The following RSRC1 variants were observed in gnomAD, a reference collection of about 807,000 sequenced individuals.
RSRC1 encodes serine/Arginine-related protein 53.
Under a neutral mutation model 49.1 loss-of-function variants are expected in RSRC1, and 39 were observed. The ratio of observed to expected loss-of-function variants is 0.79; its 90% CI spans 0.61 to 1.04. The LOEUF (loss-of-function observed/expected upper bound fraction) is 1.04. RSRC1 is among the 50% of genes least tolerant of loss of function. The probability of loss-of-function intolerance (pLI) is 0.00; values close to 1 mark genes in which losing one functional copy is unlikely to be tolerated. For missense variants in RSRC1, 388 were observed against 402.4 expected (o/e 0.96, Z 0.31); for synonymous variants, 143 against 130.8 (o/e 1.09, Z -0.63).
chr3:158,140,098 C>G (rs1458796586), intron 3 of RSRC1, among the ~76,000 whole-genome samples: 3 of 152,172 alleles, frequency 2.0e-5, no homozygotes, highest in African/African-American at 7.2e-5. Context: ...ATCCTCTACT[C>G]TATAAATTAA....
chr3:158,534,222 TC>T (rs1712586142), intron 7 of RSRC1, among the ~76,000 whole-genome samples: 2 of 151,744 alleles, frequency 1.3e-5, no homozygotes, highest in Admixed American at 1.3e-4. Context: ...AAGACTATAA[TC>T]ATTATAAATT....
rs139574067 is a variant in RSRC1, at chr3:158,157,415, C to T, written c.320+33424C>T. 8.5e-5 allele frequency among the ~76,000 whole-genome samples: 13 copies of T among 152,178 alleles called. No individual in the cohort carries two copies. In the East Asian group the frequency reaches 2.3e-3, roughly 27 times the overall value. On this transcript the variant is annotated intron_variant, in intron 3 of 9. Transcript: ENST00000611884. ...TGGAACTAGGATTTTTGAAGAGAAA[C>T]GTAGGAATATCTGGCTCGAGCCCTC...
At chr3:158,447,530 A>G (rs1736788454) in intron 6 of RSRC1, among the ~76,000 whole-genome samples, 1 of 152,020 alleles carries the variant, frequency 6.6e-6, no homozygotes, top group African/African-American at 2.4e-5. Context: ...AAGCCATGAT[A>G]GTAATGAAAA....
intron 5 of RSRC1, among the ~76,000 whole-genome samples, chr3:158,349,722 G>A: frequency 1.0e-5 from 1 of 95,390 alleles, no homozygotes; most frequent in African/African-American, 4.4e-5. Context: ...TTTTGAGACA[G>A]GGTCTCCCTT....
chr3:158,171,681 G>A lies in RSRC1; in HGVS notation c.321-31391G>A, dbSNP rs1280469846. 2.0e-5 allele frequency among the ~76,000 whole-genome samples: 3 copies of A among 152,088 alleles called. 1 individual carries two copies. The highest frequency in any genetic ancestry group is 7.2e-5 in the African/African-American group (3 of 41,410). ...AGATAGATAAATGGCCTGGTGTGGT[G>A]GCTCACATCTGTAATCCTAGCACTT... On this transcript the variant is annotated intron_variant, in intron 3 of 9. Transcript: ENST00000611884.
At chr3:158,146,914 T>C (rs555318032) in intron 3 of RSRC1, among the ~76,000 whole-genome samples, 21 of 152,154 alleles carry the variant, frequency 1.4e-4, no homozygotes, top group African/African-American at 5.1e-4. Context: ...CTAGCTAAGA[T>C]TGGCTTTTTT....
chr3:158,359,818 G>C (rs1731371326), intron 6 of RSRC1, among the ~76,000 whole-genome samples: 2 of 152,164 alleles, frequency 1.3e-5, no homozygotes, highest in South Asian at 4.1e-4. Flanking sequence ...TTCTTGTCCT[G>C]CAACCAGGAA....
At chr3:158,492,302 A>C (rs1401917593) in intron 7 of RSRC1, among the ~76,000 whole-genome samples, 2 of 152,208 alleles carry the variant, frequency 1.3e-5, no homozygotes, top group African/African-American at 2.4e-5. Context: ...ACAGAGCCAA[A>C]CCATATCACT....
chr3:158,480,258 A>G (rs1426541628), intron 7 of RSRC1, among the ~76,000 whole-genome samples: 4 of 151,912 alleles, frequency 2.6e-5, no homozygotes, highest in African/African-American at 9.7e-5. Context: ...ATAGTGATAT[A>G]TCAAATTAAT....
intron 5 of RSRC1, chr3:158,302,759 T>A (rs969154602): frequency 6.9e-6 from 1 of 144,126 alleles, no homozygotes; most frequent in African/African-American, 2.6e-5. Flanking sequence ...CCTCGCAGGT[T>A]CAAGTGATTC....
At chr3:158,400,087 G>A (rs1350353377) in intron 6 of RSRC1, among the ~76,000 whole-genome samples, 1 of 152,074 alleles carries the variant, frequency 6.6e-6, no homozygotes, top group African/African-American at 2.4e-5. Context: ...GTATACTGTA[G>A]AGTTACATAC....
intron 4 of RSRC1, among the ~76,000 whole-genome samples, chr3:158,240,854 T>A (rs775867992): frequency 6.6e-6 from 1 of 152,204 alleles, no homozygotes; most frequent in Non-Finnish European, 1.5e-5. Flanking sequence ...ATCTTACTTA[T>A]CAGATTGACA....
At chr3:158,367,910 G>A (rs1731864440) in intron 6 of RSRC1, among the ~76,000 whole-genome samples, 1 of 152,028 alleles carries the variant, frequency 6.6e-6, no homozygotes, top group Admixed American at 6.5e-5. Flanking sequence ...AATCCAAAAA[G>A]ATAAAATTGG....
chr3:158,462,488 C>T (rs1737666200), intron 7 of RSRC1, among the ~76,000 whole-genome samples: 1 of 151,802 alleles, frequency 6.6e-6, no homozygotes, highest in East Asian at 1.9e-4. Flanking sequence ...GGTTATTAGC[C>T]TAATCCTATT....
intron 4 of RSRC1, among the ~76,000 whole-genome samples, chr3:158,228,724 G>C (rs980180194): frequency 2.0e-5 from 3 of 151,746 alleles, no homozygotes; most frequent in Non-Finnish European, 4.4e-5. Context: ...TCTAAATGAA[G>C]TAGATAGTGT....
chr3:158,380,243 G>A (rs569596405), intron 6 of RSRC1, among the ~76,000 whole-genome samples: 7 of 152,216 alleles, frequency 4.6e-5, no homozygotes, highest in African/African-American at 1.7e-4. Context: ...ATGTAAAATA[G>A]CTGCTTTTAT....
At chr3:158,523,770 A>C (rs1247690291) in intron 7 of RSRC1, among the ~76,000 whole-genome samples, 1 of 152,082 alleles carries the variant, frequency 6.6e-6, no homozygotes, top group Non-Finnish European at 1.5e-5. Flanking sequence ...ATGTTTGATG[A>C]GAGGAATGAG....
chr3:158,391,555 G>C (rs1364772225), intron 6 of RSRC1, among the ~76,000 whole-genome samples: 1 of 152,148 alleles, frequency 6.6e-6, no homozygotes, highest in South Asian at 2.1e-4. Context: ...AAAGCCCTTG[G>C]CTCCCTTTTA....
At chr3:158,204,025 C>G (rs1194613304) in intron 4 of RSRC1, among the ~76,000 whole-genome samples, 1 of 151,988 alleles carries the variant, frequency 6.6e-6, no homozygotes, top group Non-Finnish European at 1.5e-5. Flanking sequence ...AATTTATCCT[C>G]TTTTGTCAGT....
Sources: allele counts gnomAD v4.1 joint callset (sites outside exome capture counted in the v4.1 genomes callset), GRCh38; gene constraint gnomAD v4.1.1; transcripts MANE v1.5; gene names NCBI Gene and HGNC (gene_info 2026-07-23, HGNC 2026-07-21).